The following RRBP1 variants were observed in gnomAD, a reference collection of about 807,000 sequenced individuals.
RRBP1 encodes ribosome-binding protein 1.
Under a neutral mutation model 165.2 loss-of-function variants are expected in RRBP1, and 94 were observed. The ratio of observed to expected loss-of-function variants is 0.57; its 90% CI spans 0.48 to 0.68. The LOEUF (loss-of-function observed/expected upper bound fraction) is 0.68. Ranked by LOEUF, RRBP1 falls within the 30% of genes least tolerant of loss-of-function variation. The pLI is 0.00. For synonymous variants in RRBP1, 680 were observed against 714.5 expected (o/e 0.95, Z 0.77); for missense variants, 1,676 against 1,763.0 (o/e 0.95, Z 0.88).
chr20:17,616,444 T>G (rs372347907), intron 21 of RRBP1, among the ~76,000 whole-genome samples: 1 of 152,186 alleles, frequency 6.6e-6, no homozygotes, highest in Non-Finnish European at 1.5e-5. Flanking sequence ...CTGCAGACCC[T>G]GCCCAGAGCT....
chr20:17,645,393 C>T (rs143983076), intron 3 of RRBP1, among the ~76,000 whole-genome samples: 70 of 152,324 alleles, frequency 4.6e-4, no homozygotes, highest in African/African-American at 1.4e-3. Context: ...TTGCAACACG[C>T]GAAACAAACG....
chr20:17,676,490 C>G (rs2122515287), intron 2 of RRBP1, among the ~76,000 whole-genome samples: 1 of 152,298 alleles, frequency 6.6e-6, no homozygotes, highest in Non-Finnish European at 1.5e-5. Flanking sequence ...AACACCCAAC[C>G]AGTGCTTCTC....
chr20:17,636,268 TCA>T (rs2036246763), intron 6 of RRBP1, among the ~76,000 whole-genome samples: 1 of 152,240 alleles, frequency 6.6e-6, no homozygotes, highest in Non-Finnish European at 1.5e-5. Context: ...GGTGAGAACT[TCA>T]CAGACACCCA....
intron 2 of RRBP1, among the ~76,000 whole-genome samples, chr20:17,661,997 T>C (rs2036774236): frequency 6.6e-6 from 1 of 152,190 alleles, no homozygotes; most frequent in African/African-American, 2.4e-5. Context: ...GCGCGGTGGC[T>C]CACGCCTGTA....
rs58099576 is a variant in RRBP1 at position 17,651,060 on chromosome 20, AT to A, written c.1912+7535del. On this transcript the variant is annotated intron_variant, in intron 3 of 24. Transcript: ENST00000377813. ...GTACCCGGAACACGGGGAAGCTTCC[AT>A]TCTGGGGAATTTCCACTTCTCGAGG... Among the ~76,000 whole-genome samples the A allele has an allele frequency of 2.8e-3, 421 of 152,314 alleles. 1 individual carries two copies. The highest frequency in any genetic ancestry group is 9.2e-3 in the African/African-American group (382 of 41,550).
chr20:17,641,245 G>A (rs1018346468), intron 5 of RRBP1, among the ~76,000 whole-genome samples: 3 of 152,222 alleles, frequency 2.0e-5, no homozygotes, highest in Non-Finnish European at 4.4e-5. Context: ...ACCCACCACC[G>A]TTTGCTGTTC....
chr20:17,623,848 C>T (rs1022790916), intron 13 of RRBP1, among the ~76,000 whole-genome samples: 1 of 151,952 alleles, frequency 6.6e-6, no homozygotes, highest in Non-Finnish European at 1.5e-5. Flanking sequence ...AGGAGAATTG[C>T]TTGAACCCGG....
chr20:17,660,441 T>C lies in RRBP1; in HGVS notation c.67A>G (p.Ile23Val). 1 of 1,614,212 alleles carries C rather than the reference T, an allele frequency of 6.2e-7. No homozygotes were observed. The highest frequency in any genetic ancestry group is 8.5e-7 in the Non-Finnish European group (1 of 1,180,034). ...VFGGFMVVSAIGIFLVSTFSM... is the reference protein window; with the variant it reads ...VFGGFMVVSAVGIFLVSTFSM... ...AAAGTCGACACCAGGAAGATGCCAA[T>C]GGCAGAAACAACCATGAATCCTCCA... Residue 23 changes from isoleucine to valine, a missense_variant, in exon 3 of 25, where the codon ATT becomes GTT. Ile to Val is a conservative substitution (Grantham distance 29, BLOSUM62 3). Transcript: ENST00000377813.
In RRBP1 at chr20:17,629,953, G is replaced by A; in HGVS notation, c.2619C>T (p.His873=). 6.3e-7 allele frequency: 1 copy of A among 1,596,688 alleles called. No homozygotes were observed. The highest frequency in any genetic ancestry group is 1.1e-5 in the South Asian group (1 of 90,984). ...TCTGCAGGGCCTCCTCACTCTCCCTGTGGGACGCCTGGGGACGGGCAGGGG... is the reference window on the plus strand; with the variant it reads ...TCTGCAGGGCCTCCTCACTCTCCCTATGGGACGCCTGGGGACGGGCAGGGG... ...EKQVLQLQAS[H]RESEEALQKR... Residue 873 remains histidine (H), a synonymous_variant, in exon 9 of 25, where the codon CAC becomes CAT. Coordinates refer to ENST00000377813, the MANE Select transcript of RRBP1 (RefSeq NM_001365613.2).
At position 17,618,683 on chromosome 20, in the gene RRBP1, G is replaced by C; in HGVS notation, c.3676-4C>G. 1 of 1,612,396 alleles carries C rather than the reference G, an allele frequency of 6.2e-7. No individual in the cohort carries two copies. Among genetic ancestry groups the C allele is most frequent in the Non-Finnish European group, 8.5e-7 (1 of 1,178,744 alleles). On this transcript the variant is annotated splice_region_variant and splice_polypyrimidine_tract_variant and intron_variant, in intron 19 of 24. Coordinates refer to ENST00000377813, the MANE Select transcript of RRBP1 (RefSeq NM_001365613.2). Reference sequence around the variant, plus strand: ...ATTCTAGGAGAAGTTGCCTCAGCTTGGGGAGAAAACAGAGGCGGGTGATGG... The same window carrying C: ...ATTCTAGGAGAAGTTGCCTCAGCTTCGGGAGAAAACAGAGGCGGGTGATGG...
intron 2 of RRBP1, among the ~76,000 whole-genome samples, chr20:17,677,018 G>A (rs1395681027): frequency 6.6e-6 from 1 of 151,476 alleles, no homozygotes; most frequent in African/African-American, 2.4e-5. Context: ...AAAGTGCTGG[G>A]ATTACAGGGA....
chr20:17,616,805 A>C lies in RRBP1; in HGVS notation c.3794T>G (p.Val1265Gly), dbSNP rs141635452. The C allele has an allele frequency of 3.2e-5, 51 of 1,613,266 alleles. No individual in the cohort carries two copies. In the African/African-American group the frequency reaches 6.1e-4, roughly 19 times the overall value. The change falls in exon 21 of 25, where the codon GTA becomes GGA. Residue 1265 changes from valine to glycine, a missense_variant. This residue lies in a region of RRBP1 where 1,184 missense variants were observed against 1,167.1 expected (regional missense o/e 1.01). Coordinates refer to ENST00000377813, the MANE Select transcript of RRBP1 (RefSeq NM_001365613.2). ...GGCCCCAGCTATGTCACCATCCTCT[A>C]CGTGGCTCTTCATTTCACTCAACTG... ...RQQLSEMKSH[V>G]EDGDIAGAPA... is the part of the protein sequence containing the mutation.
rs568668923 is a variant in RRBP1, at chr20:17,649,444, G to A, written c.1913-6317C>T. Among the ~76,000 whole-genome samples the A allele has an allele frequency of 9.2e-5, 14 of 152,318 alleles. No individual in the cohort carries two copies. In the South Asian group the frequency reaches 1.4e-3, roughly 16 times the overall value. On this transcript the variant is annotated intron_variant, in intron 3 of 24. Transcript: ENST00000377813. Reference sequence around the variant, plus strand: ...TCAAATCCACCTTAGAGAATTGCACGAGGGATAAAGGCATGGAAACCAGCC... The same window carrying A: ...TCAAATCCACCTTAGAGAATTGCACAAGGGATAAAGGCATGGAAACCAGCC...
At chr20:17,642,828 T>G in intron 4 of RRBP1, 151 bp downstream of exon 4, 1 of 856,680 alleles carries the variant, frequency 1.2e-6, no homozygotes, top group South Asian at 1.7e-5. Flanking sequence ...CCAAAGCACC[T>G]GCGAGCGATC....
Position 17,635,530 on chromosome 20 carries a change from G to A in RRBP1, c.2456+16C>T, listed in dbSNP as rs746737581. On this transcript the variant is annotated intron_variant, in intron 7 of 24. Transcript: ENST00000377813. ...GGGCCCTTGGGGAGGTGCTGAGGCA[G>A]GAAAGCTCAGCTTACTTGCTCTCCA... is the stretch of plus-strand genomic sequence containing the variant. 8 of 1,582,874 alleles carry A rather than the reference G, an allele frequency of 5.1e-6. No individual in the cohort carries two copies. The highest frequency in any genetic ancestry group is 6.9e-6 in the Non-Finnish European group (8 of 1,158,504).
At chr20:17,634,124 G>T (rs2036204260) in intron 7 of RRBP1, among the ~76,000 whole-genome samples, 1 of 152,252 alleles carries the variant, frequency 6.6e-6, no homozygotes, top group African/African-American at 2.4e-5. Context: ...GAGCTGGGAG[G>T]AATGTTCCGG....
intron 5 of RRBP1, 95 bp from the exon 6 acceptor site, chr20:17,636,824 G>C (rs1288777465): frequency 4.0e-6 from 6 of 1,498,942 alleles, no homozygotes; most frequent in African/African-American, 2.7e-5. Flanking sequence ...TGGGAGGCTG[G>C]AGAGCAGAGC....
In RRBP1 at chr20:17,659,097, T is replaced by C. The variant is rs2036702822; in HGVS notation, c.1411A>G (p.Lys471Glu). The C allele has an allele frequency of 6.5e-7, 1 of 1,538,420 alleles. No individual in the cohort carries two copies. Among genetic ancestry groups the C allele is most frequent in the Non-Finnish European group, 8.8e-7 (1 of 1,142,148 alleles). Residue 471 changes from lysine to glutamate, a missense_variant, in exon 3 of 25, where the codon AAA (lysine) becomes GAA (glutamate). Around this residue, in one of 5 missense-constraint regions of RRBP1, gnomAD observed 18 missense variants for 38.8 expected, o/e 0.46. Transcript: ENST00000377813. Reference sequence around the variant, plus strand: ...CCCTGGTTCTGGGCCCCTTCTACTTTTTTGCCCTGGTTCTGAGCACCCTCG... The same window carrying C: ...CCCTGGTTCTGGGCCCCTTCTACTTCTTTGCCCTGGTTCTGAGCACCCTCG... ...KAEGAQNQGK[K>E]VEGAQNQGKK...
intron 22 of RRBP1, 152 bp downstream of exon 22, chr20:17,615,774 G>A (rs2035788245): frequency 1.4e-6 from 1 of 702,504 alleles, no homozygotes; most frequent in Non-Finnish European, 2.3e-6. Flanking sequence ...TGCTCCACCT[G>A]CCCGGGCCCC....
Sources: allele counts gnomAD v4.1 joint callset (sites outside exome capture counted in the v4.1 genomes callset), GRCh38; gene constraint gnomAD v4.1.1; regional missense constraint gnomAD v4.1.1; transcripts MANE v1.5; gene names NCBI Gene and HGNC (gene_info 2026-07-23, HGNC 2026-07-21).